The following NR3C2 variants were observed in gnomAD, a reference collection of about 807,000 sequenced individuals.
The protein encoded by NR3C2 is mineralocorticoid receptor.
A neutral mutation model predicts 86.4 loss-of-function variants in NR3C2; 15 were observed. That is an observed-to-expected ratio of 0.17 (90% CI 0.12 to 0.27). NR3C2 has a LOEUF of 0.27. Among genes scored for constraint, NR3C2 ranks in the 10% least tolerant of loss-of-function variants. The pLI is 1.00. For synonymous variants in NR3C2, 458 were observed against 450.5 expected (o/e 1.02, Z -0.21); for missense variants, 960 against 1,195.6 (o/e 0.80, Z 2.91).
At chr4:148,264,976 C>T (rs908737029) in intron 2 of NR3C2, among the ~76,000 whole-genome samples, 7 of 152,116 alleles carry the variant, frequency 4.6e-5, no homozygotes, top group African/African-American at 1.4e-4. Flanking sequence ...TGCATCCCTC[C>T]AAACCATTTT....
intron 3 of NR3C2, among the ~76,000 whole-genome samples, chr4:148,232,523 A>C (rs909598198): frequency 1.8e-4 from 27 of 152,344 alleles, no homozygotes; most frequent in African/African-American, 6.3e-4. Context: ...TTATTGCATC[A>C]TGTATAGAGT....
chr4:148,135,828 G>A (rs898625695), intron 6 of NR3C2, among the ~76,000 whole-genome samples: 4 of 151,584 alleles, frequency 2.6e-5, no homozygotes, highest in Admixed American at 6.6e-5. Flanking sequence ...AGGCCGAGGC[G>A]GGCGGATCAC....
At chr4:148,412,240 G>A (rs550572694) in intron 2 of NR3C2, among the ~76,000 whole-genome samples, 2 of 152,256 alleles carry the variant, frequency 1.3e-5, no homozygotes, top group South Asian at 4.1e-4. Context: ...ACATCAGTGG[G>A]TGGCTTTCAT....
chr4:148,189,012 C>T (rs915448871), intron 4 of NR3C2, among the ~76,000 whole-genome samples: 2 of 150,968 alleles, frequency 1.3e-5, no homozygotes, highest in Non-Finnish European at 2.9e-5. Context: ...ATTGCAACCT[C>T]CGCCTCCTGG....
intron 2 of NR3C2, among the ~76,000 whole-genome samples, chr4:148,286,873 G>C (rs1177961693): frequency 6.6e-6 from 1 of 152,096 alleles, no homozygotes; most frequent in East Asian, 1.9e-4. Context: ...ATGTACAAAG[G>C]GAGTCACAAT....
At position 148,436,815 on chromosome 4, in the gene NR3C2, C is replaced by A. The variant is rs1316488680; in HGVS notation, c.46G>T (p.Glu16Ter). Residue 16 changes from glutamate to a stop codon, truncating the protein, a stop_gained, in exon 2 of 9, where the codon GAA becomes TAA. Transcript: ENST00000358102. LOFTEE classifies it high-confidence loss of function. ...YHSLPEGLDM[E>*]RRWGQVSQAV... ...TGAGAAACTTGACCCCACCGTCTTT[C>A]CATATCTAGACCTTCAGGGAGACTG... The A allele has an allele frequency of 6.2e-7, 1 of 1,612,746 alleles. No individual in the cohort carries two copies. Among genetic ancestry groups the A allele is most frequent in the Admixed American group, 1.7e-5 (1 of 60,006 alleles).
intron 2 of NR3C2, among the ~76,000 whole-genome samples, chr4:148,355,987 T>C (rs759011269): frequency 6.6e-6 from 1 of 152,160 alleles, no homozygotes; most frequent in Non-Finnish European, 1.5e-5. Flanking sequence ...AAATCAGTCA[T>C]GTGCATGAAG....
intron 6 of NR3C2, among the ~76,000 whole-genome samples, chr4:148,139,372 G>A (rs1484974498): frequency 6.6e-6 from 1 of 152,166 alleles, no homozygotes; most frequent in Non-Finnish European, 1.5e-5. Context: ...ATAAAATGGA[G>A]TATTGGAGAT....
At chr4:148,138,489 T>A (rs1733457165) in intron 6 of NR3C2, among the ~76,000 whole-genome samples, 1 of 152,110 alleles carries the variant, frequency 6.6e-6, no homozygotes, top group Admixed American at 6.5e-5. Context: ...CTCAGGTGGA[T>A]CCTCCTACCA....
chr4:148,196,137 A>G (rs938424367), intron 3 of NR3C2, among the ~76,000 whole-genome samples: 1 of 152,158 alleles, frequency 6.6e-6, no homozygotes, highest in Non-Finnish European at 1.5e-5. Flanking sequence ...GAGATTCTAG[A>G]TGTATTCCAA....
intron 4 of NR3C2, among the ~76,000 whole-genome samples, chr4:148,180,641 C>T (rs900456944): frequency 1.3e-5 from 2 of 151,996 alleles, no homozygotes; most frequent in Admixed American, 6.6e-5. Context: ...CTAACATTTC[C>T]TTCTAGTCTT....
At chr4:148,412,853 T>A (rs191703618) in intron 2 of NR3C2, among the ~76,000 whole-genome samples, 85 of 152,010 alleles carry the variant, frequency 5.6e-4, no homozygotes, top group African/African-American at 2.0e-3. Context: ...CCCTTAGTTA[T>A]GCTTCATCCC....
intron 3 of NR3C2, among the ~76,000 whole-genome samples, chr4:148,229,739 C>A (rs2149836491): frequency 6.6e-6 from 1 of 152,256 alleles, no homozygotes; most frequent in South Asian, 2.1e-4. Flanking sequence ...TCACCTCTGG[C>A]CAAAGATACC....
intron 3 of NR3C2, among the ~76,000 whole-genome samples, chr4:148,212,701 T>C (rs1046169908): frequency 6.6e-6 from 1 of 152,222 alleles, no homozygotes; most frequent in African/African-American, 2.4e-5. Context: ...AAATGAAAAG[T>C]ACATTTCAAA....
chr4:148,259,713 G>A (rs1223557914), intron 3 of NR3C2, among the ~76,000 whole-genome samples: 2 of 152,102 alleles, frequency 1.3e-5, no homozygotes, highest in African/African-American at 4.8e-5. Flanking sequence ...ATTTTTCTGA[G>A]TCTTACTGAA....
intron 1 of NR3C2, among the ~76,000 whole-genome samples, chr4:148,437,606 G>A (rs1048094638): frequency 1.3e-5 from 2 of 152,172 alleles, no homozygotes; most frequent in Non-Finnish European, 2.9e-5. Flanking sequence ...TTCAGTACTG[G>A]CAAGGACTTT....
At chr4:148,430,355 A>G (rs1174988274) in intron 2 of NR3C2, among the ~76,000 whole-genome samples, 1 of 152,140 alleles carries the variant, frequency 6.6e-6, no homozygotes, top group Non-Finnish European at 1.5e-5. Flanking sequence ...GATATTTGTG[A>G]TGTTTAAAAA....
intron 3 of NR3C2, among the ~76,000 whole-genome samples, chr4:148,221,413 C>T (rs1422154495): frequency 1.3e-5 from 2 of 152,154 alleles, no homozygotes; most frequent in African/African-American, 4.8e-5. Flanking sequence ...ATAATAATGT[C>T]ATGAAATATT....
At chr4:148,086,780 T>C (rs1730834352) in intron 8 of NR3C2, among the ~76,000 whole-genome samples, 1 of 152,026 alleles carries the variant, frequency 6.6e-6, no homozygotes, top group African/African-American at 2.4e-5. Flanking sequence ...TGATGGAACA[T>C]ATCTCAAAAT....
Sources: gnomAD v4.1 joint callset for allele counts (sites outside exome capture counted in the v4.1 genomes callset) on GRCh38, gnomAD v4.1.1 for gene constraint, MANE v1.5 for transcripts, NCBI Gene and HGNC (gene_info 2026-07-23, HGNC 2026-07-21) for gene names.